Variants in NHEJ1 observed in about 807,000 individuals in gnomAD.
NHEJ1 encodes the protein non-homologous end joining factor 1.
Under a neutral mutation model 39.4 loss-of-function variants are expected in NHEJ1, and 22 were observed. The observed-to-expected ratio is 0.56, with a 90% confidence interval of 0.40 to 0.80. The LOEUF is 0.80. Among genes scored for constraint, NHEJ1 ranks in the 30% least tolerant of loss-of-function variants. The pLI, the probability that NHEJ1 is intolerant of heterozygous loss-of-function variation, is 0.00. For missense variants in NHEJ1, 329 were observed against 357.1 expected (o/e 0.92, Z 0.63); for synonymous variants, 154 against 135.6 (o/e 1.14, Z -0.94).
intron 5 of NHEJ1, among the ~76,000 whole-genome samples, chr2:219,083,236 C>T (rs1466157881): frequency 1.3e-5 from 2 of 152,062 alleles, no homozygotes; most frequent in African/African-American, 2.4e-5. Context: ...AAAATGTATA[C>T]TCTGTGAAAT....
chr2:219,145,375 A>AC (rs1264854645), intron 5 of NHEJ1, among the ~76,000 whole-genome samples: 1 of 152,168 alleles, frequency 6.6e-6, no homozygotes, highest in African/African-American at 2.4e-5. Context: ...TAGTGTTTAG[A>AC]CCCCAAGCAT....
intron 5 of NHEJ1, among the ~76,000 whole-genome samples, chr2:219,115,153 A>AAAGAAGAAG (rs138331690): frequency 0.055 from 8,191 of 148,260 alleles, 278 homozygotes; most frequent in Non-Finnish European, 0.072. Flanking sequence ...CGTATTTTAA[A>AAAGAAGAAG]AAGAAGAAGA....
intron 5 of NHEJ1, among the ~76,000 whole-genome samples, chr2:219,130,775 T>C (rs1021638442): frequency 2.0e-5 from 3 of 152,110 alleles, no homozygotes; most frequent in Non-Finnish European, 2.9e-5. Context: ...CTCCAAATAA[T>C]AGTCTGTGAT....
chr2:219,079,258 G>A (rs528947600), intron 5 of NHEJ1, among the ~76,000 whole-genome samples: 14 of 147,486 alleles, frequency 9.5e-5, no homozygotes, highest in Admixed American at 6.6e-4. Flanking sequence ...GTCCCTAGGC[G>A]TGCAAATCAC....
At chr2:219,151,032 G>A (rs962111661) in intron 3 of NHEJ1, among the ~76,000 whole-genome samples, 5 of 151,620 alleles carry the variant, frequency 3.3e-5, no homozygotes, top group African/African-American at 4.9e-5. Context: ...GGAGGCTGAG[G>A]TGGGAGAACT....
intron 5 of NHEJ1, among the ~76,000 whole-genome samples, chr2:219,116,438 C>A (rs1949417406): frequency 6.6e-6 from 1 of 152,066 alleles, no homozygotes; most frequent in Non-Finnish European, 1.5e-5. Context: ...CTCACAGCAG[C>A]CTTGACCTCC....
intron 6 of NHEJ1, 93 bp downstream of exon 6, chr2:219,077,996 G>T: frequency 1.1e-6 from 1 of 884,384 alleles, no homozygotes. Flanking sequence ...AACTTAAATA[G>T]TTATATGTGG....
At chr2:219,137,142 A>C (rs1949639228) in intron 5 of NHEJ1, among the ~76,000 whole-genome samples, 1 of 151,920 alleles carries the variant, frequency 6.6e-6, no homozygotes, top group Non-Finnish European at 1.5e-5. Flanking sequence ...CCCCAAAGAG[A>C]AGGTGAAATT....
chr2:219,078,082 G>T lies in NHEJ1; in HGVS notation c.706+7C>A, dbSNP rs6720495. ...TCACACAGACCGGGTACCTCTGGAG[G>T]GCTCACCAGCGCCTTGATGCTTCTG... On this transcript the variant is annotated splice_region_variant and intron_variant, in intron 6 of 7. Coordinates refer to ENST00000356853, the MANE Select transcript of NHEJ1 (RefSeq NM_024782.3). 2.9e-3 allele frequency: 4,654 copies of T among 1,603,184 alleles called. 122 individuals are homozygous for T. The African/African-American group carries it at 0.055, about 19-fold the overall frequency.
At chr2:219,108,275 G>C (rs73991046) in intron 5 of NHEJ1, among the ~76,000 whole-genome samples, 2,456 of 152,304 alleles carry the variant, frequency 0.016, 69 homozygotes, top group African/African-American at 0.056. Flanking sequence ...CTGAGTGTCC[G>C]TCCTTCCACA....
At chr2:219,155,619 C>G (rs926039017) in intron 3 of NHEJ1, among the ~76,000 whole-genome samples, 5 of 152,002 alleles carry the variant, frequency 3.3e-5, no homozygotes, top group African/African-American at 1.2e-4. Flanking sequence ...TTACTGGGCT[C>G]CAGATCAAAA....
intron 5 of NHEJ1, among the ~76,000 whole-genome samples, chr2:219,088,669 G>A (rs1486643600): frequency 6.6e-6 from 1 of 152,122 alleles, no homozygotes. Context: ...GTAGATAACA[G>A]GGGGGTACTT....
intron 5 of NHEJ1, among the ~76,000 whole-genome samples, chr2:219,107,992 G>C (rs1010884634): frequency 6.6e-6 from 1 of 151,308 alleles, no homozygotes; most frequent in Non-Finnish European, 1.5e-5. Flanking sequence ...GCTGGGCTTC[G>C]AGTCCGCTCA....
Position 219,074,703 on chromosome 2 carries a change from T to C in NHEJ1, c.*1678A>G, listed in dbSNP as rs992847914. ...TTTGCAGTGAGCCAAAATTGTGCGA[T>C]TGTACTCCAGCCTAGGCAACAAGAG... On this transcript the variant is annotated 3_prime_UTR_variant, in exon 8 of 8. Coordinates refer to ENST00000356853, the MANE Select transcript of NHEJ1 (RefSeq NM_024782.3). Among the ~76,000 whole-genome samples the C allele has an allele frequency of 3.3e-5, 5 of 151,526 alleles. No individual in the cohort carries two copies. In the East Asian group the frequency reaches 7.7e-4, roughly 23 times the overall value.
chr2:219,092,557 C>A (rs887943637), intron 5 of NHEJ1, among the ~76,000 whole-genome samples: 22 of 152,162 alleles, frequency 1.4e-4, no homozygotes, highest in Non-Finnish European at 2.9e-5. Flanking sequence ...TATACAGTGT[C>A]TTTTGCTTAC....
chr2:219,136,388 A>G (rs1391240074), intron 5 of NHEJ1, among the ~76,000 whole-genome samples: 1 of 151,340 alleles, frequency 6.6e-6, no homozygotes, highest in Non-Finnish European at 1.5e-5. Context: ...TCCAGAGTTC[A>G]AGTGATTCTC....
chr2:219,076,489 T>C, intron 7 of NHEJ1, 34 bp from the exon 8 acceptor site: 1 of 1,596,268 alleles, frequency 6.3e-7, no homozygotes, highest in Non-Finnish European at 8.6e-7. Context: ...AGTAGGGGTT[T>C]TGAAATAGTT....
intron 5 of NHEJ1, among the ~76,000 whole-genome samples, chr2:219,100,662 C>A (rs767166688): frequency 6.7e-6 from 1 of 149,582 alleles, no homozygotes; most frequent in East Asian, 1.9e-4. Flanking sequence ...TACAGAGAAT[C>A]TGATCTAGTG....
At chr2:219,082,241 G>C (rs1278713686) in intron 5 of NHEJ1, among the ~76,000 whole-genome samples, 1 of 152,196 alleles carries the variant, frequency 6.6e-6, no homozygotes, top group Non-Finnish European at 1.5e-5. Flanking sequence ...TTTGGACCCT[G>C]GTATACAGCC....
Sources: gnomAD v4.1 joint callset for allele counts (sites outside exome capture counted in the v4.1 genomes callset) on GRCh38, gnomAD v4.1.1 for gene constraint, MANE v1.5 for transcripts, NCBI Gene and HGNC (gene_info 2026-07-23, HGNC 2026-07-21) for gene names.